LIPJ: variants seen among roughly 807,000 people sequenced by gnomAD.
LIPJ encodes lipase family member J, also known as lipase member J.
LIPJ carries 33 observed loss-of-function variants against 39.8 expected under a neutral mutation model. The ratio of observed to expected loss-of-function variants is 0.83; its 90% CI spans 0.63 to 1.11. LIPJ has a LOEUF of 1.11. Among genes scored for constraint, LIPJ ranks in the 50% least tolerant of loss-of-function variants. The probability of loss-of-function intolerance (pLI) is 0.00; values close to 1 mark genes in which losing one functional copy is unlikely to be tolerated. For missense variants in LIPJ, 422 were observed against 427.9 expected (o/e 0.99, Z 0.12); for synonymous variants, 128 against 139.2 (o/e 0.92, Z 0.57).
At chr10:88,618,058 C>T in the LIPJ span, among the ~76,000 whole-genome samples, 1 of 152,058 alleles carries the variant, frequency 6.6e-6, no homozygotes, top group Non-Finnish European at 1.5e-5. Flanking sequence ...GGCCTGGAAA[C>T]CTCTTAAGCC....
intron 4 of LIPJ, 39 bp from the exon 5 acceptor site, chr10:88,593,907 T>A (rs1164709223): frequency 6.5e-7 from 1 of 1,545,744 alleles, no homozygotes; most frequent in African/African-American, 1.4e-5. Flanking sequence ...TATAGATAAC[T>A]ACAAAATTTA....
intron 4 of LIPJ, chr10:88,593,065 T>C (rs1187671921): frequency 6.6e-6 from 1 of 151,952 alleles, no homozygotes; most frequent in Non-Finnish European, 1.5e-5. Context: ...TAGGAAAAGA[T>C]GACTCAGTGG....
upstream of LIPJ, chr10:88,584,594 T>A (rs1760813382): frequency 6.6e-6 from 1 of 152,168 alleles, no homozygotes; most frequent in African/African-American, 2.4e-5. Context: ...TTTTCATTTG[T>A]TGAGTTTTTT....
chr10:88,583,220 T>C (rs774774907), upstream of LIPJ: 1 of 1,612,024 alleles, frequency 6.2e-7, no homozygotes, highest in Admixed American at 1.7e-5. Context: ...CCGCGCTGAG[T>C]CTCTGCGGCG....
chr10:88,588,373 A>G (rs952208627), intron 2 of LIPJ, among the ~76,000 whole-genome samples: 1 of 151,922 alleles, frequency 6.6e-6, no homozygotes, highest in Non-Finnish European at 1.5e-5. Context: ...ATTTATTAAT[A>G]TCAACTATTT....
the LIPJ span, among the ~76,000 whole-genome samples, chr10:88,613,972 T>G: frequency 1.3e-5 from 2 of 150,558 alleles, no homozygotes; most frequent in Non-Finnish European, 3.0e-5. Context: ...GTATAATGTT[T>G]TTAGTTTAAA....
chr10:88,584,310 T>C (rs754543975), upstream of LIPJ: 5 of 151,842 alleles, frequency 3.3e-5, no homozygotes, highest in Admixed American at 2.0e-4. Context: ...AAATGAAAGA[T>C]GGAATTGAAC....
rs138528779 is a variant in LIPJ, at chr10:88,601,707, G to A, written c.724-869G>A. 3.7e-3 allele frequency among the ~76,000 whole-genome samples: 570 copies of A among 152,220 alleles called. 5 individuals are homozygous for A. The highest frequency in any genetic ancestry group is 0.013 in the African/African-American group (535 of 41,538). On this transcript the variant is annotated intron_variant, in intron 8 of 10. Coordinates refer to ENST00000371939, the Ensembl canonical transcript of LIPJ. ...AAACCTGAATAATTTTTTATAGTCT[G>A]CATCTGATAACATCAAAAATATTTG...
At chr10:88,612,230 A>C in the LIPJ span, among the ~76,000 whole-genome samples, 1 of 152,194 alleles carries the variant, frequency 6.6e-6, no homozygotes, top group African/African-American at 2.4e-5. Context: ...ATCTGTCACT[A>C]CCAAACCAGC....
intron 8 of LIPJ, among the ~76,000 whole-genome samples, chr10:88,601,114 A>C (rs1851460293): frequency 6.6e-6 from 1 of 151,812 alleles, no homozygotes; most frequent in African/African-American, 2.4e-5. Flanking sequence ...ATGACTGGCT[A>C]ATTTTTGTAT....
chr10:88,612,108 ATT>A, the LIPJ span, among the ~76,000 whole-genome samples: 1 of 152,346 alleles, frequency 6.6e-6, no homozygotes, highest in South Asian at 2.1e-4. Context: ...TTGGAGACCT[ATT>A]TTTAGCCTCC....
intron 4 of LIPJ, 143 bp downstream of exon 4, chr10:88,591,641 A>C (rs1033516634): frequency 1.6e-6 from 1 of 608,602 alleles, no homozygotes; most frequent in East Asian, 3.2e-5. Context: ...CGCATGCTAC[A>C]AGAAGAGTCA....
At chr10:88,613,770 G>GTATATATATATATATATATATATA in the LIPJ span, among the ~76,000 whole-genome samples, 31 of 75,496 alleles carry the variant, frequency 4.1e-4, 1 homozygote, top group South Asian at 1.3e-3. Flanking sequence ...ATGTGTGTGT[G>GTATATATATATATATATATATATA]TATATATATA....
At chr10:88,613,417 T>C in the LIPJ span, among the ~76,000 whole-genome samples, 1 of 151,868 alleles carries the variant, frequency 6.6e-6, no homozygotes, top group East Asian at 1.9e-4. Context: ...AGGTAGCATA[T>C]ATGAGAGATG....
downstream of LIPJ, among the ~76,000 whole-genome samples, chr10:88,607,832 G>T (rs1244631366): frequency 6.6e-6 from 1 of 152,166 alleles, no homozygotes; most frequent in African/African-American, 2.4e-5. Context: ...CACATAAGAA[G>T]ATTGAAAGTC....
At chr10:88,614,981 T>C in the LIPJ span, among the ~76,000 whole-genome samples, 1 of 152,200 alleles carries the variant, frequency 6.6e-6, no homozygotes, top group Non-Finnish European at 1.5e-5. Flanking sequence ...ACATACATTA[T>C]GTATATCTTA....
At chr10:88,610,603 A>T (rs1413112585), downstream of LIPJ, among the ~76,000 whole-genome samples, 3 of 152,302 alleles carry the variant, frequency 2.0e-5, no homozygotes, top group East Asian at 3.9e-4. Context: ...ATTTTAAAAA[A>T]TTTTATAGAA....
At chr10:88,616,776 C>T in the LIPJ span, among the ~76,000 whole-genome samples, 5 of 152,222 alleles carry the variant, frequency 3.3e-5, no homozygotes, top group Non-Finnish European at 5.9e-5. Flanking sequence ...AGGAGGCAAG[C>T]CTGCTTCCTG....
intron 8 of LIPJ, among the ~76,000 whole-genome samples, chr10:88,598,528 A>C (rs989083779): frequency 1.3e-5 from 2 of 151,984 alleles, no homozygotes; most frequent in African/African-American, 4.8e-5. Context: ...TGAGGCTGAG[A>C]TATCTGAGTG....
Sources: allele counts gnomAD v4.1 joint callset (sites outside exome capture counted in the v4.1 genomes callset), GRCh38; gene constraint gnomAD v4.1.1; transcripts MANE v1.5; gene names NCBI Gene and HGNC (gene_info 2026-07-23, HGNC 2026-07-21).